Variants in TBC1D19 observed in about 807,000 individuals in gnomAD.
TBC1D19 encodes TBC1 domain family, member 19.
TBC1D19 carries 60 observed loss-of-function variants against 89.0 expected under a neutral mutation model. The ratio of observed to expected loss-of-function variants is 0.67; its 90% CI spans 0.55 to 0.84. The LOEUF (loss-of-function observed/expected upper bound fraction) is 0.84. TBC1D19 is among the 40% of genes least tolerant of loss of function. The pLI, the probability that TBC1D19 is intolerant of heterozygous loss-of-function variation, is 0.00. For synonymous variants in TBC1D19, 189 were observed against 199.7 expected (o/e 0.95, Z 0.45); for missense variants, 500 against 610.8 (o/e 0.82, Z 1.91).
intron 8 of TBC1D19, among the ~76,000 whole-genome samples, chr4:26,664,071 C>CA (rs1711571771): frequency 6.6e-6 from 1 of 152,120 alleles, no homozygotes; most frequent in Non-Finnish European, 1.5e-5. Flanking sequence ...AGTAGTAAAG[C>CA]AGAGTGCAAA....
chr4:26,821,783 C>T, the TBC1D19 span, among the ~76,000 whole-genome samples: 2 of 152,238 alleles, frequency 1.3e-5, no homozygotes. Context: ...CCTGTCTGCT[C>T]ATCACACACA....
chr4:26,772,830 G>C, the TBC1D19 span, among the ~76,000 whole-genome samples: 1 of 152,076 alleles, frequency 6.6e-6, no homozygotes, highest in Non-Finnish European at 1.5e-5. Flanking sequence ...TTTCCATGGC[G>C]TATATGTGCC....
chr4:26,624,519 A>G (rs560495613), intron 4 of TBC1D19, among the ~76,000 whole-genome samples: 152 of 152,108 alleles, frequency 1.0e-3, no homozygotes, highest in African/African-American at 3.1e-3. Flanking sequence ...CTATTATAGT[A>G]ATTTCTGTAT....
chr4:26,747,634 G>A (rs1355693830), intron 18 of TBC1D19, among the ~76,000 whole-genome samples: 1 of 152,158 alleles, frequency 6.6e-6, no homozygotes, highest in Non-Finnish European at 1.5e-5. Context: ...GGACAGTCAA[G>A]TGATATTAGA....
chr4:26,735,042 G>GTA (rs1717934990), intron 15 of TBC1D19, among the ~76,000 whole-genome samples: 1 of 150,416 alleles, frequency 6.6e-6, no homozygotes, highest in Non-Finnish European at 1.5e-5. Flanking sequence ...ATGTATATGT[G>GTA]TACACACATG....
the TBC1D19 span, among the ~76,000 whole-genome samples, chr4:26,827,070 A>T: frequency 1.3e-5 from 2 of 152,162 alleles, no homozygotes; most frequent in African/African-American, 2.4e-5. Context: ...GAAACTAATG[A>T]TTAACTTTTA....
chr4:26,806,674 G>A, the TBC1D19 span, among the ~76,000 whole-genome samples: 1 of 152,150 alleles, frequency 6.6e-6, no homozygotes, highest in Non-Finnish European at 1.5e-5. Flanking sequence ...GACCTTATTT[G>A]GAAATAGAGT....
At chr4:26,815,589 T>C in the TBC1D19 span, among the ~76,000 whole-genome samples, 153 of 152,338 alleles carry the variant, frequency 1.0e-3, no homozygotes, top group African/African-American at 3.6e-3. Context: ...TGTGTTCATG[T>C]TACACACTCT....
At chr4:26,736,288 G>A (rs1406075935) in intron 16 of TBC1D19, among the ~76,000 whole-genome samples, 13 of 140,436 alleles carry the variant, frequency 9.3e-5, no homozygotes, top group Admixed American at 3.7e-4. Context: ...GTAAACTATC[G>A]CAAGAACAAA....
chr4:26,626,055 T>C (rs1742375337), intron 4 of TBC1D19, among the ~76,000 whole-genome samples: 1 of 152,124 alleles, frequency 6.6e-6, no homozygotes, highest in African/African-American at 2.4e-5. Context: ...GGAATTCCTC[T>C]GCATGAAAGA....
Position 26,594,247 on chromosome 4 carries a change from A to C in TBC1D19, c.99+9955A>C, listed in dbSNP as rs551474734. On this transcript the variant is annotated intron_variant, in intron 1 of 20. Coordinates refer to ENST00000264866, the MANE Select transcript of TBC1D19 (RefSeq NM_018317.4). ...CAGCAAACTATCGCATGGACAAAAA[A>C]CCAAACACTGCATGTTCTCACTCAT... Among the ~76,000 whole-genome samples, 38 of 152,268 alleles carry C rather than the reference A, an allele frequency of 2.5e-4. No individual in the cohort carries two copies. In the East Asian group the frequency reaches 6.8e-3, roughly 27 times the overall value.
chr4:26,583,206 G>T (rs370447674), upstream of TBC1D19, among the ~76,000 whole-genome samples: 1 of 151,986 alleles, frequency 6.6e-6, no homozygotes, highest in Non-Finnish European at 1.5e-5. Context: ...CCTTTTTTGG[G>T]GGGGGAAGGG....
At chr4:26,718,268 ATTG>A (rs1410359655) in intron 14 of TBC1D19, among the ~76,000 whole-genome samples, 4 of 150,898 alleles carry the variant, frequency 2.7e-5, no homozygotes, top group Non-Finnish European at 4.4e-5. Flanking sequence ...TCTACCCTTT[ATTG>A]TTGTTTTTAT....
the TBC1D19 span, among the ~76,000 whole-genome samples, chr4:26,810,210 C>T: frequency 6.6e-6 from 1 of 152,208 alleles, no homozygotes; most frequent in Non-Finnish European, 1.5e-5. Context: ...GATCAATGCA[C>T]CCTGTATCAG....
At chr4:26,762,067 T>C in the TBC1D19 span, among the ~76,000 whole-genome samples, 1 of 152,110 alleles carries the variant, frequency 6.6e-6, no homozygotes, top group Non-Finnish European at 1.5e-5. Flanking sequence ...ACCTGGGAGA[T>C]GAAGGTTGCA....
the TBC1D19 span, among the ~76,000 whole-genome samples, chr4:26,829,296 A>G: frequency 6.6e-6 from 1 of 152,210 alleles, no homozygotes; most frequent in Non-Finnish European, 1.5e-5. Context: ...GTGGGAGTCA[A>G]AGTTTCTTTG....
At chr4:26,656,851 G>T (rs552124720) in intron 7 of TBC1D19, among the ~76,000 whole-genome samples, 1 of 152,002 alleles carries the variant, frequency 6.6e-6, no homozygotes, top group South Asian at 2.1e-4. Context: ...GAGCTGCTGC[G>T]CCCAGACACT....
At chr4:26,638,716 T>C (rs1272373791) in intron 5 of TBC1D19, 55 bp from the exon 6 acceptor site, 2 of 1,327,954 alleles carry the variant, frequency 1.5e-6, no homozygotes, top group African/African-American at 2.9e-5. Flanking sequence ...TTTTTAGTTG[T>C]ATTGCTAGAC....
intron 16 of TBC1D19, among the ~76,000 whole-genome samples, chr4:26,736,425 G>A (rs1235362672): frequency 6.8e-6 from 1 of 147,462 alleles, no homozygotes; most frequent in Non-Finnish European, 1.5e-5. Flanking sequence ...GGATAGCATT[G>A]GGAGATATAC....
Sources: allele counts gnomAD v4.1 joint callset (sites outside exome capture counted in the v4.1 genomes callset), GRCh38; gene constraint gnomAD v4.1.1; transcripts MANE v1.5; gene names NCBI Gene and HGNC (gene_info 2026-07-23, HGNC 2026-07-21).